DLGAP1: variants seen among roughly 807,000 people sequenced by gnomAD.
DLGAP1 encodes disks large-associated protein 1.
In DLGAP1, 11 loss-of-function variants were observed where a neutral mutation model predicts 90.8. The observed-to-expected ratio is 0.12, with a 90% CI of 0.08 to 0.20. DLGAP1 has a LOEUF of 0.20. Among genes scored for constraint, DLGAP1 ranks in the 10% least tolerant of loss-of-function variants. DLGAP1 has a pLI of 1.00. For synonymous variants in DLGAP1, 558 were observed against 540.7 expected, an observed-to-expected ratio of 1.03 and a Z score of -0.44; for missense variants, 1,050 against 1,333.8, an observed-to-expected ratio of 0.79 and a Z score of 3.31.
chr18:3,919,366 CACAA>C (rs748538749), intron 3 of DLGAP1, among the ~76,000 whole-genome samples: 2 of 152,214 alleles, frequency 1.3e-5, no homozygotes, highest in African/African-American at 2.4e-5. Context: ...CAGAATGCAT[CACAA>C]ACAAAGCGTA....
intron 3 of DLGAP1, chr18:3,978,159 G>T (rs1356879262): frequency 4.5e-6 from 2 of 447,454 alleles, no homozygotes; most frequent in East Asian, 1.3e-4. Flanking sequence ...GGCTGGTGGG[G>T]GGCAAAGCCC....
chr18:4,395,024 A>G (rs1297692505), intron 1 of DLGAP1, among the ~76,000 whole-genome samples: 2 of 152,254 alleles, frequency 1.3e-5, no homozygotes, highest in African/African-American at 4.8e-5. Flanking sequence ...TGAACAAAGG[A>G]AACAAGTAAC....
Position 3,727,355 on chromosome 18 carries a change from G to A in DLGAP1, c.1591+1780C>T, listed in dbSNP as rs2062221566. On this transcript the variant is annotated intron_variant, in intron 7 of 12. Transcript: ENST00000315677. This position sits in a 1 kb window ranked among gnomAD's most constrained non-coding sequence, Gnocchi z 4.7. ...ATGACAAAAACACGCAAATCTGACAGGTGAGAAGAGAAAAACCATTCCAAG... is the reference window on the plus strand; with the variant it reads ...ATGACAAAAACACGCAAATCTGACAAGTGAGAAGAGAAAAACCATTCCAAG... Among the ~76,000 whole-genome samples, 1 of 152,126 alleles carries A rather than the reference G, an allele frequency of 6.6e-6. No homozygotes were observed. Among genetic ancestry groups the A allele is most frequent in the African/African-American group, 2.4e-5 (1 of 41,422 alleles).
intron 1 of DLGAP1, among the ~76,000 whole-genome samples, chr18:4,327,376 AAAG>A (rs1157781895): frequency 1.3e-5 from 2 of 152,086 alleles, no homozygotes; most frequent in Non-Finnish European, 2.9e-5. Context: ...TTTAAATTTA[AAAG>A]AAGTGATTAT....
intron 3 of DLGAP1, among the ~76,000 whole-genome samples, chr18:3,963,260 C>T (rs567592140): frequency 4.0e-5 from 4 of 99,632 alleles, no homozygotes; most frequent in East Asian, 5.4e-4. Flanking sequence ...GCTCCAAAGG[C>T]TCCATTTCAT....
intron 1 of DLGAP1, among the ~76,000 whole-genome samples, chr18:4,302,593 A>G (rs1176608088): frequency 6.6e-6 from 1 of 152,102 alleles, no homozygotes; most frequent in African/African-American, 2.4e-5. Flanking sequence ...GTCTATTTTT[A>G]TGCCAGAACC....
At chr18:3,938,706 G>C (rs2072697516) in intron 3 of DLGAP1, among the ~76,000 whole-genome samples, 1 of 152,196 alleles carries the variant, frequency 6.6e-6, no homozygotes, top group South Asian at 2.1e-4. Flanking sequence ...AAGGAGAAGT[G>C]TGGTGCAAGA....
intron 1 of DLGAP1, among the ~76,000 whole-genome samples, chr18:4,181,226 T>C (rs1413672948): frequency 1.3e-5 from 2 of 152,192 alleles, no homozygotes; most frequent in Non-Finnish European, 2.9e-5. Context: ...AGACTCCTGT[T>C]ATTTCATGTG....
At chr18:3,600,686 AGATC>A (rs140425490) in intron 7 of DLGAP1, among the ~76,000 whole-genome samples, 16 of 84,958 alleles carry the variant, frequency 1.9e-4, no homozygotes, top group East Asian at 5.5e-4. Flanking sequence ...ATATCTATAG[AGATC>A]TATATAGATA....
At chr18:3,788,895 T>A (rs1467618610) in intron 5 of DLGAP1, among the ~76,000 whole-genome samples, 2 of 152,226 alleles carry the variant, frequency 1.3e-5, no homozygotes, top group African/African-American at 4.8e-5. Context: ...TGAAAACACA[T>A]GCTGAAAACA....
intron 2 of DLGAP1, among the ~76,000 whole-genome samples, chr18:4,102,275 G>C (rs1049088622): frequency 2.0e-5 from 3 of 152,136 alleles, no homozygotes; most frequent in African/African-American, 7.2e-5. Flanking sequence ...TTTCTTTTGA[G>C]AAACGATTTT....
intron 1 of DLGAP1, among the ~76,000 whole-genome samples, chr18:4,175,471 T>C (rs921280045): frequency 2.0e-5 from 3 of 152,354 alleles, no homozygotes; most frequent in African/African-American, 7.2e-5. Flanking sequence ...CTTTCGGCAT[T>C]TATGTCATGA....
chr18:4,360,695 T>C (rs1457718321), intron 1 of DLGAP1, among the ~76,000 whole-genome samples: 10 of 152,124 alleles, frequency 6.6e-5, no homozygotes, highest in Non-Finnish European at 1.5e-5. Context: ...AAAGTGTGTT[T>C]AGGCCAGGTG....
intron 1 of DLGAP1, among the ~76,000 whole-genome samples, chr18:4,173,467 A>G (rs2077056316): frequency 6.6e-6 from 1 of 152,108 alleles, no homozygotes; most frequent in Non-Finnish European, 1.5e-5. Context: ...GGGATATTAG[A>G]CATTTGCTTT....
chr18:4,252,041 T>C (rs961956534), intron 1 of DLGAP1, among the ~76,000 whole-genome samples: 2 of 152,190 alleles, frequency 1.3e-5, no homozygotes, highest in African/African-American at 2.4e-5. Context: ...GCTTAATAAG[T>C]GCCCAGGCAC....
At chr18:4,092,569 G>GT (rs1439622191) in intron 2 of DLGAP1, among the ~76,000 whole-genome samples, 3 of 152,056 alleles carry the variant, frequency 2.0e-5, no homozygotes, top group African/African-American at 7.2e-5. Flanking sequence ...TATGGAGATT[G>GT]TTTTTTTTCC....
intron 7 of DLGAP1, among the ~76,000 whole-genome samples, chr18:3,606,016 GAAA>G (rs1008016765): frequency 2.7e-5 from 4 of 150,520 alleles, no homozygotes; most frequent in African/African-American, 9.8e-5. Flanking sequence ...GGGACATTAA[GAAA>G]AAAAAAGGTC....
intron 9 of DLGAP1, among the ~76,000 whole-genome samples, chr18:3,549,738 T>C (rs1261554650): frequency 6.6e-6 from 1 of 152,144 alleles, no homozygotes; most frequent in Non-Finnish European, 1.5e-5. Context: ...TCAGAACTTG[T>C]TTTTTATGAC....
intron 5 of DLGAP1, among the ~76,000 whole-genome samples, chr18:3,744,909 A>G (rs1438818734): frequency 6.6e-6 from 1 of 152,238 alleles, no homozygotes; most frequent in Non-Finnish European, 1.5e-5. Context: ...GATTCAGAGC[A>G]GCATTATTCA....
Sources: gnomAD v4.1 joint callset for allele counts (sites outside exome capture counted in the v4.1 genomes callset) on GRCh38, gnomAD v4.1.1 for gene constraint, Gnocchi (gnomAD v3.1) non-coding constraint, MANE v1.5 for transcripts, NCBI Gene and HGNC (gene_info 2026-07-23, HGNC 2026-07-21) for gene names.